The following FSHR variants were observed in gnomAD, a reference collection of about 807,000 sequenced individuals.
The protein encoded by FSHR is follicle stimulating hormone receptor, also known as follicle-stimulating hormone receptor.
FSHR carries 46 observed loss-of-function variants against 52.1 expected under a neutral mutation model. The observed-to-expected ratio is 0.88, with a 90% CI of 0.70 to 1.13. FSHR has a LOEUF of 1.13. Ranked by LOEUF, FSHR falls within the 50% of genes most tolerant of loss-of-function variation. The pLI is 0.00. For synonymous variants in FSHR, 399 were observed against 309.6 expected (o/e 1.29, Z -3.03); for missense variants, 964 against 834.6 (o/e 1.16, Z -1.91).
chr2:49,026,123 A>G (rs1309970906), intron 2 of FSHR, among the ~76,000 whole-genome samples: 1 of 152,204 alleles, frequency 6.6e-6, no homozygotes, highest in Non-Finnish European at 1.5e-5. Context: ...TGCTAGAGTC[A>G]TCCTACAGAT....
chr2:49,037,698 T>A (rs1050858655), intron 2 of FSHR, among the ~76,000 whole-genome samples: 1 of 152,092 alleles, frequency 6.6e-6, no homozygotes, highest in African/African-American at 2.4e-5. Context: ...ACAATGAAAT[T>A]AATGAATTGG....
intron 1 of FSHR, among the ~76,000 whole-genome samples, chr2:49,144,814 A>C (rs1225385262): frequency 1.3e-5 from 2 of 152,134 alleles, no homozygotes; most frequent in Non-Finnish European, 2.9e-5. Context: ...GATGGTAGAC[A>C]GTGATCATTC....
chr2:49,058,763 A>G (rs1307222400), intron 2 of FSHR, among the ~76,000 whole-genome samples: 2 of 152,228 alleles, frequency 1.3e-5, no homozygotes, highest in Non-Finnish European at 2.9e-5. Context: ...AAAGGCCTCT[A>G]CAGGGAAAAC....
intron 1 of FSHR, among the ~76,000 whole-genome samples, chr2:49,109,464 G>C (rs1324841072): frequency 2.0e-5 from 3 of 152,200 alleles, no homozygotes; most frequent in Non-Finnish European, 4.4e-5. Context: ...ACAATGTAGA[G>C]ATAGACTGTA....
At chr2:49,082,898 G>A (rs1670230410) in intron 1 of FSHR, among the ~76,000 whole-genome samples, 1 of 152,020 alleles carries the variant, frequency 6.6e-6, no homozygotes, top group African/African-American at 2.4e-5. Flanking sequence ...CGGGGAGAAT[G>A]GAACCAAGTT....
At chr2:49,143,581 C>T (rs1672767312) in intron 1 of FSHR, among the ~76,000 whole-genome samples, 1 of 151,978 alleles carries the variant, frequency 6.6e-6, no homozygotes, top group South Asian at 2.1e-4. Flanking sequence ...TATTTGTTTC[C>T]TCCTGAAACT....
chr2:48,993,444 T>C (rs186638460), intron 4 of FSHR, among the ~76,000 whole-genome samples: 97 of 152,254 alleles, frequency 6.4e-4, no homozygotes, highest in Non-Finnish European at 9.7e-4. Context: ...CAAAGTCCTC[T>C]TAGATTCCAT....
intron 4 of FSHR, among the ~76,000 whole-genome samples, chr2:48,995,893 T>C (rs1676005352): frequency 6.6e-6 from 1 of 152,134 alleles, no homozygotes; most frequent in Non-Finnish European, 1.5e-5. Context: ...TGGCATGGAA[T>C]GATCGATTCT....
Position 48,963,214 on chromosome 2 carries a change from A to G in FSHR, c.1607T>C (p.Val536Ala), listed in dbSNP as rs1674311280. The change falls in exon 10 of 10, where the codon GTG becomes GCG. Residue 536 changes from valine to alanine, a missense_variant. Val to Ala is a moderately conservative substitution (Grantham distance 64). Transcript: ENST00000406846. ...LSQLYVMSLL[V>A]LNVLAFVVIC... ...GACCACAAAGGCCAGGACATTGAGC[A>G]CAAGGAGGGACATGACATACAGCTG... 1 of 1,614,076 alleles carries G rather than the reference A, an allele frequency of 6.2e-7. No homozygotes were observed. The highest frequency in any genetic ancestry group is 8.5e-7 in the Non-Finnish European group (1 of 1,180,040).
chr2:48,991,535 G>T (rs892983222), intron 4 of FSHR, among the ~76,000 whole-genome samples: 1 of 152,132 alleles, frequency 6.6e-6, no homozygotes, highest in East Asian at 1.9e-4. Flanking sequence ...CTTATGGCTT[G>T]CACATTTGTG....
intron 1 of FSHR, among the ~76,000 whole-genome samples, chr2:49,114,037 C>A (rs1671516436): frequency 6.6e-6 from 1 of 152,122 alleles, no homozygotes; most frequent in Non-Finnish European, 1.5e-5. Context: ...GCAAAGCATG[C>A]TCCTTCTCCA....
intron 2 of FSHR, among the ~76,000 whole-genome samples, chr2:49,057,232 C>T (rs1325239457): frequency 1.3e-5 from 2 of 151,910 alleles, no homozygotes; most frequent in Non-Finnish European, 2.9e-5. Context: ...TAAAAAGTTG[C>T]TTTTCTGAAA....
chr2:49,144,518 T>C (rs962606066), intron 1 of FSHR, among the ~76,000 whole-genome samples: 2 of 152,198 alleles, frequency 1.3e-5, no homozygotes, highest in Non-Finnish European at 2.9e-5. Context: ...TGCTACTGTT[T>C]GCAGGATTCC....
intron 8 of FSHR, among the ~76,000 whole-genome samples, chr2:48,969,320 GA>G (rs1559077624): frequency 6.6e-6 from 1 of 152,140 alleles, no homozygotes; most frequent in Non-Finnish European, 1.5e-5. Flanking sequence ...CCAAATTTCA[GA>G]AAAAGGGACA....
intron 2 of FSHR, among the ~76,000 whole-genome samples, chr2:49,036,727 C>T (rs891067826): frequency 6.6e-4 from 101 of 152,084 alleles, no homozygotes; most frequent in Non-Finnish European, 1.0e-3. Flanking sequence ...TTATTGGTTA[C>T]CTCTCTCTGG....
At chr2:49,030,039 G>A (rs1006558102) in intron 2 of FSHR, among the ~76,000 whole-genome samples, 7 of 152,152 alleles carry the variant, frequency 4.6e-5, no homozygotes, top group South Asian at 4.1e-4. Context: ...GTGGCTCTGC[G>A]GCAGACCTAT....
At chr2:49,044,045 T>C (rs1668572621) in intron 2 of FSHR, among the ~76,000 whole-genome samples, 1 of 152,206 alleles carries the variant, frequency 6.6e-6, no homozygotes, top group African/African-American at 2.4e-5. Flanking sequence ...TATACTCTGT[T>C]TTACGTGAAT....
chr2:49,104,161 G>C (rs1179727243), intron 1 of FSHR, among the ~76,000 whole-genome samples: 1 of 152,084 alleles, frequency 6.6e-6, no homozygotes, highest in Non-Finnish European at 1.5e-5. Flanking sequence ...GCGAAATGCT[G>C]ACCCCAGGCC....
chr2:49,072,926 A>C (rs1669790723), intron 1 of FSHR, among the ~76,000 whole-genome samples: 1 of 152,132 alleles, frequency 6.6e-6, no homozygotes, highest in African/African-American at 2.4e-5. Context: ...TTAACCACCA[A>C]CCTTCTGACA....
Sources: gnomAD v4.1 joint callset for allele counts (sites outside exome capture counted in the v4.1 genomes callset) on GRCh38, gnomAD v4.1.1 for gene constraint, MANE v1.5 for transcripts, NCBI Gene and HGNC (gene_info 2026-07-23, HGNC 2026-07-21) for gene names.